Variants in DNAH17 observed in about 807,000 individuals in gnomAD.
DNAH17 encodes axonemal beta dynein heavy chain 17.
In DNAH17, 376 loss-of-function variants were observed where a neutral mutation model predicts 485.6. The ratio of observed to expected loss-of-function variants is 0.77; its 90% confidence interval spans 0.71 to 0.84. The LOEUF is 0.84. Ranked by LOEUF, DNAH17 falls within the 40% of genes least tolerant of loss-of-function variation. The probability of loss-of-function intolerance (pLI) is 0.00; values close to 1 mark genes in which losing one functional copy is unlikely to be tolerated. For synonymous variants in DNAH17, 3,031 were observed against 2,405.9 expected, an observed-to-expected ratio of 1.26 and a Z score of -7.60; for missense variants, 6,370 against 5,839.3, an observed-to-expected ratio of 1.09 and a Z score of -2.96.
At chr17:78,553,283 GTTTTTTTTTTTTTTTTTTT>G (rs60587420) in intron 14 of DNAH17, among the ~76,000 whole-genome samples, 1 of 51,034 alleles carries the variant, frequency 2.0e-5, no homozygotes, top group South Asian at 6.7e-4. Context: ...AGGTTTTTGT[GTTTTTTTTTTTTTTTTTTT>G]TTTTTTTTTT....
chr17:78,530,461 T>C lies in DNAH17; in HGVS notation c.3166A>G (p.Lys1056Glu), dbSNP rs1315467246. ...YEEVSKCENT[K>E]VFHGWLQCDC... ...CACTGCAGCCAGCCGTGGAACACCT[T>C]GGTGTTCTCGCACTTGGACACCTCC... The change falls in exon 21 of 81, where the codon AAG becomes GAG. Residue 1056 changes from lysine to glutamate, a missense_variant. Physicochemically the swap from Lys to Glu is moderately conservative, Grantham distance 56. Coordinates refer to ENST00000389840, the MANE Select transcript of DNAH17 (RefSeq NM_173628.4). 4 of 1,613,348 alleles carry C rather than the reference T, an allele frequency of 2.5e-6. No homozygotes were observed. Among genetic ancestry groups the C allele is most frequent in the Non-Finnish European group, 2.5e-6 (3 of 1,179,594 alleles).
At chr17:78,456,836 G>A (rs940359786) in intron 62 of DNAH17, among the ~76,000 whole-genome samples, 2 of 152,226 alleles carry the variant, frequency 1.3e-5, no homozygotes, top group African/African-American at 4.8e-5. Context: ...CCAGCCTCAT[G>A]CAGCCTGGGG....
chr17:78,484,095 C>CAAAAAAAAA (rs11290299), intron 48 of DNAH17, among the ~76,000 whole-genome samples: 5 of 38,398 alleles, frequency 1.3e-4, no homozygotes, highest in African/African-American at 5.8e-4. Context: ...GATTTCTCCT[C>CAAAAAAAAA]AAAAAAAAAA....
rs763565646 is a variant in DNAH17, at chr17:78,494,724, G to A, written c.6139C>T (p.Leu2047Phe). The A allele has an allele frequency of 2.5e-6, 4 of 1,613,848 alleles. No homozygotes were observed. The highest frequency in any genetic ancestry group is 2.5e-6 in the Non-Finnish European group (3 of 1,179,886). ...TTGAAGTCTCTCAGCGCCCGCATGA[G>A]CACCTGGTCCTCTGCCCGGCTGGGG... ...GDPSRAEDQV[L>F]MRALRDFNIP... is the part of the protein sequence containing the mutation. Residue 2047 changes from leucine to phenylalanine, a missense_variant, in exon 40 of 81, where the codon CTC (leucine) becomes TTC (phenylalanine). Transcript: ENST00000389840.
rs775708138 is a variant in DNAH17, at chr17:78,458,560, G to C, written c.9977+5C>G. 1.2e-6 allele frequency: 2 copies of C among 1,612,188 alleles called. No individual in the cohort carries two copies. The highest frequency in any genetic ancestry group is 2.2e-5 in the South Asian group (2 of 91,032). ...AGGAGGGTGGTCTCGGGGAGGAGCT[G>C]ATACCTGTTCGCCAGTAAGATCACC... On this transcript the variant is annotated splice_donor_5th_base_variant and intron_variant, in intron 62 of 80. Coordinates refer to ENST00000389840, the MANE Select transcript of DNAH17 (RefSeq NM_173628.4).
At chr17:78,456,089 AG>A (rs2146512870) in intron 62 of DNAH17, among the ~76,000 whole-genome samples, 1 of 152,140 alleles carries the variant, frequency 6.6e-6, no homozygotes, top group South Asian at 2.1e-4. Context: ...ACTTGAGGTC[AG>A]GGGGTCGATA....
At chr17:78,498,062 A>C (rs1052885558) in intron 37 of DNAH17, among the ~76,000 whole-genome samples, 71 of 152,110 alleles carry the variant, frequency 4.7e-4, no homozygotes, top group African/African-American at 1.6e-3. Context: ...GAATTGCTTA[A>C]ACCCGGGAGG....
chr17:78,453,372 T>A lies in DNAH17; in HGVS notation c.10500A>T (p.Leu3500=). Residue 3500 remains leucine (L), a synonymous_variant, in exon 65 of 81, where the codon CTA becomes CTT. Transcript: ENST00000389840. ...CCTTTTTAATCGTGTTCCTGCCCAG[T>A]AGAGGGTCCAGCACGGGGTCCACGG... ...GETVDPVLDP[L]LGRNTIKKGK... is the part of the protein sequence containing the mutation. The A allele has an allele frequency of 6.2e-7, 1 of 1,613,700 alleles. No homozygotes were observed. The highest frequency in any genetic ancestry group is 1.3e-5 in the African/African-American group (1 of 75,070).
intron 25 of DNAH17, among the ~76,000 whole-genome samples, chr17:78,523,910 AAAAT>A (rs764541306): frequency 2.0e-5 from 3 of 152,254 alleles, no homozygotes; most frequent in Non-Finnish European, 4.4e-5. Context: ...CCTTGTCTCA[AAAAT>A]AAATAAAAAT....
intron 30 of DNAH17, among the ~76,000 whole-genome samples, chr17:78,506,212 C>A (rs1203129054): frequency 1.4e-5 from 2 of 140,898 alleles, no homozygotes; most frequent in African/African-American, 2.7e-5. Context: ...GCGATCTTGG[C>A]TCACGGCAAC....
At chr17:78,433,923 A>AGGAAGGAGAGAG (rs2086768204) in intron 75 of DNAH17, 106 bp downstream of exon 75, 1 of 528,818 alleles carries the variant, frequency 1.9e-6, no homozygotes, top group African/African-American at 3.0e-5. Context: ...AAGGGAGGGA[A>AGGAAGGAGAGAG]GGAAGGAGGG....
intron 75 of DNAH17, among the ~76,000 whole-genome samples, chr17:78,432,486 C>T (rs1219317225): frequency 2.0e-5 from 3 of 152,244 alleles, no homozygotes; most frequent in Admixed American, 1.3e-4. Flanking sequence ...CAGTTCTGCT[C>T]CCTGCTACTC....
In DNAH17 at chr17:78,462,981, T is replaced by A; in HGVS notation, c.9037A>T (p.Asn3013Tyr). 1 of 1,614,002 alleles carries A rather than the reference T, an allele frequency of 6.2e-7. No homozygotes were observed. The highest frequency in any genetic ancestry group is 1.1e-5 in the South Asian group (1 of 91,082). Reference protein sequence around the residue: ...RVYLATERRYNYTTPKTFLEQ... With the variant: ...RVYLATERRYYYTTPKTFLEQ... The stretch of plus-strand genomic sequence containing the variant: ...AGAAAGGTTTTGGGTGTGGTGTAGT[T>A]GTAGCGCCTCTCAGTAGCCAGGTAT... The change falls in exon 57 of 81, where the codon AAC becomes TAC. Residue 3013 changes from asparagine to tyrosine, a missense_variant. By Grantham distance (143) the Asn-to-Tyr change is moderately radical. Coordinates refer to ENST00000389840, the MANE Select transcript of DNAH17 (RefSeq NM_173628.4).
chr17:78,431,709 G>C (rs2086682293), intron 75 of DNAH17, among the ~76,000 whole-genome samples: 1 of 152,120 alleles, frequency 6.6e-6, no homozygotes, highest in Non-Finnish European at 1.5e-5. Flanking sequence ...GTCTGTGGAG[G>C]GGGAGGGAGG....
intron 20 of DNAH17, among the ~76,000 whole-genome samples, chr17:78,530,982 G>A (rs1294457280): frequency 6.6e-6 from 1 of 152,212 alleles, no homozygotes; most frequent in East Asian, 1.9e-4. Context: ...AGAGGTTTGT[G>A]CGTTAACTAT....
chr17:78,470,617 A>C (rs2088704022), intron 54 of DNAH17, among the ~76,000 whole-genome samples: 1 of 152,084 alleles, frequency 6.6e-6, no homozygotes, highest in Admixed American at 6.5e-5. Context: ...TGAACCCAGG[A>C]GGTGGAGGTT....
At chr17:78,546,881 G>A (rs1296190604) in intron 16 of DNAH17, among the ~76,000 whole-genome samples, 2 of 150,800 alleles carry the variant, frequency 1.3e-5, no homozygotes, top group African/African-American at 4.9e-5. Flanking sequence ...CTCCAGCCTG[G>A]GTGACAGAGT....
At chr17:78,437,167 G>A (rs546171447) in intron 74 of DNAH17, among the ~76,000 whole-genome samples, 1 of 150,492 alleles carries the variant, frequency 6.6e-6, no homozygotes, top group South Asian at 2.1e-4. Context: ...AAGGAAACCT[G>A]GTCACAGATC....
intron 62 of DNAH17, among the ~76,000 whole-genome samples, chr17:78,456,309 C>CAAA (rs2087798198): frequency 6.6e-6 from 1 of 151,968 alleles, no homozygotes; most frequent in Non-Finnish European, 1.5e-5. Context: ...AAAACAAAAA[C>CAAA]AAAAACAAAA....
Sources: allele counts gnomAD v4.1 joint callset (sites outside exome capture counted in the v4.1 genomes callset), GRCh38; gene constraint gnomAD v4.1.1; transcripts MANE v1.5; gene names NCBI Gene and HGNC (gene_info 2026-07-23, HGNC 2026-07-21).